CHN1: variants seen among roughly 807,000 people sequenced by gnomAD.
CHN1 encodes N-chimaerin.
A neutral mutation model predicts 59.5 loss-of-function variants in CHN1; 37 were observed. That is an observed-to-expected ratio of 0.62 (90% CI 0.48 to 0.82). The LOEUF (loss-of-function observed/expected upper bound fraction) is 0.82, where lower values mean the gene tolerates loss of function less well. Among genes scored for constraint, CHN1 ranks in the 40% least tolerant of loss-of-function variants. The probability of loss-of-function intolerance (pLI) is 0.00; values close to 1 mark genes in which losing one functional copy is unlikely to be tolerated. For synonymous variants in CHN1, 206 were observed against 200.4 expected, an observed-to-expected ratio of 1.03 and a Z score of -0.24; for missense variants, 469 against 571.0, an observed-to-expected ratio of 0.82 and a Z score of 1.82.
chr2:174,875,605 C>A (rs1687544424), intron 6 of CHN1, among the ~76,000 whole-genome samples: 1 of 152,168 alleles, frequency 6.6e-6, no homozygotes, highest in African/African-American at 2.4e-5. Context: ...GCTCTTAATT[C>A]CAACACTAGT....
At chr2:174,992,794 T>A (rs1458338806) in intron 1 of CHN1, among the ~76,000 whole-genome samples, 1 of 151,422 alleles carries the variant, frequency 6.6e-6, no homozygotes. Context: ...CTACTTTTGA[T>A]ATCTAATCAC....
intron 3 of CHN1, among the ~76,000 whole-genome samples, chr2:174,934,573 G>C (rs989393130): frequency 9.2e-5 from 14 of 152,218 alleles, no homozygotes; most frequent in Admixed American, 4.6e-4. Flanking sequence ...TTTGAGAAGA[G>C]AGAAAGGGCA....
intron 5 of CHN1, among the ~76,000 whole-genome samples, chr2:174,903,632 T>C (rs940323632): frequency 8.5e-5 from 13 of 152,182 alleles, no homozygotes; most frequent in African/African-American, 2.7e-4. Flanking sequence ...ATAACAGAAA[T>C]ATAATAAATT....
At chr2:174,831,372 T>G (rs933491073) in intron 7 of CHN1, among the ~76,000 whole-genome samples, 1 of 152,176 alleles carries the variant, frequency 6.6e-6, no homozygotes, top group Non-Finnish European at 1.5e-5. Flanking sequence ...CAGAACTTGC[T>G]TAGAATCATA....
At chr2:174,982,331 T>G (rs1386317548) in intron 1 of CHN1, among the ~76,000 whole-genome samples, 2 of 152,130 alleles carry the variant, frequency 1.3e-5, no homozygotes, top group African/African-American at 4.8e-5. Flanking sequence ...GATGGCTGGG[T>G]CAAATGGTAT....
chr2:174,833,174 T>C (rs1357900453), intron 7 of CHN1, among the ~76,000 whole-genome samples: 5 of 152,184 alleles, frequency 3.3e-5, no homozygotes, highest in Non-Finnish European at 7.4e-5. Context: ...AAGTCTTCTA[T>C]ACTCTTACTA....
chr2:174,975,826 A>G (rs1157535467), intron 1 of CHN1, among the ~76,000 whole-genome samples: 1 of 151,926 alleles, frequency 6.6e-6, no homozygotes, highest in Non-Finnish European at 1.5e-5. Context: ...CCCTTTTGGG[A>G]TATATATCTT....
At chr2:174,852,642 A>G (rs2359363) in intron 6 of CHN1, among the ~76,000 whole-genome samples, 48,025 of 152,062 alleles carry the variant, frequency 0.32, 8,772 homozygotes, top group Admixed American at 0.45. Context: ...AAGCAAAAAG[A>G]ACAAAGCTGG....
rs1046270876 is a variant in CHN1 at position 174,932,402 on chromosome 2, G to A, written c.114+12486C>T. ...TAATGGGTCTAGCATTGAAGTTAAC[G>A]TCTGTTCCCCTAGAGAAAACTGTCA... On this transcript the variant is annotated intron_variant, in intron 3 of 12. Transcript: ENST00000409900. 3.9e-5 allele frequency among the ~76,000 whole-genome samples: 6 copies of A among 152,142 alleles called. No homozygotes were observed. The South Asian group carries it at 8.3e-4, about 21-fold the overall frequency.
At chr2:174,825,760 G>A (rs111957816) in intron 7 of CHN1, among the ~76,000 whole-genome samples, 10 of 152,172 alleles carry the variant, frequency 6.6e-5, no homozygotes, top group South Asian at 6.2e-4. Context: ...CTGTACTAAC[G>A]TATTGACTAA....
intron 1 of CHN1, among the ~76,000 whole-genome samples, chr2:174,959,234 A>G (rs947364086): frequency 6.6e-6 from 1 of 152,262 alleles, no homozygotes; most frequent in African/African-American, 2.4e-5. Context: ...ACAGGTATCT[A>G]TTAAGGCAGA....
chr2:174,834,564 C>T (rs1686005290), intron 7 of CHN1, among the ~76,000 whole-genome samples: 1 of 152,120 alleles, frequency 6.6e-6, no homozygotes, highest in Non-Finnish European at 1.5e-5. Context: ...TCTTTTCCTT[C>T]AGTCCTTTGA....
chr2:174,814,576 A>G (rs1182195509), intron 8 of CHN1, among the ~76,000 whole-genome samples: 3 of 152,208 alleles, frequency 2.0e-5, no homozygotes, highest in African/African-American at 4.8e-5. Context: ...GTAAAATGGG[A>G]ACAATAATAG....
At chr2:174,946,486 C>A (rs1407025285) in intron 2 of CHN1, among the ~76,000 whole-genome samples, 1 of 152,080 alleles carries the variant, frequency 6.6e-6, no homozygotes, top group Non-Finnish European at 1.5e-5. Flanking sequence ...TTACCTTTTT[C>A]TCCTGATGGC....
At chr2:174,880,492 T>C (rs1687699410) in intron 5 of CHN1, among the ~76,000 whole-genome samples, 2 of 152,114 alleles carry the variant, frequency 1.3e-5, no homozygotes, top group South Asian at 4.2e-4. Context: ...AGAAAATCTT[T>C]GAGAAAGGTG....
At chr2:174,973,403 C>T (rs1361074449) in intron 1 of CHN1, among the ~76,000 whole-genome samples, 2 of 152,104 alleles carry the variant, frequency 1.3e-5, no homozygotes, top group African/African-American at 2.4e-5. Flanking sequence ...TCACAAAACA[C>T]GGTTTTTTCA....
At chr2:174,868,975 G>A (rs866852541) in intron 6 of CHN1, among the ~76,000 whole-genome samples, 5 of 152,164 alleles carry the variant, frequency 3.3e-5, no homozygotes, top group Non-Finnish European at 7.3e-5. Flanking sequence ...CAGAGAGCAG[G>A]GGATGCTCTA....
chr2:174,910,808 G>A (rs1357098201), intron 5 of CHN1, among the ~76,000 whole-genome samples: 1 of 149,000 alleles, frequency 6.7e-6, no homozygotes, highest in Admixed American at 6.8e-5. Context: ...GCTGAGGCAG[G>A]AGAATGGTGT....
intron 6 of CHN1, among the ~76,000 whole-genome samples, chr2:174,867,078 A>T (rs560695836): frequency 0.011 from 1,596 of 147,644 alleles, 20 homozygotes; most frequent in African/African-American, 0.037. Flanking sequence ...TTTTTTTTTT[A>T]AAGATTACTT....
Sources: gnomAD v4.1 joint callset for allele counts (sites outside exome capture counted in the v4.1 genomes callset) on GRCh38, gnomAD v4.1.1 for gene constraint, MANE v1.5 for transcripts, NCBI Gene and HGNC (gene_info 2026-07-23, HGNC 2026-07-21) for gene names.